The following FAM53A variants were observed in gnomAD, a reference collection of about 807,000 sequenced individuals.
FAM53A encodes the protein protein FAM53A.
Under a neutral mutation model 26.6 loss-of-function variants are expected in FAM53A, and 28 were observed. That is an observed-to-expected ratio of 1.05 (90% CI 0.78 to 1.45). The LOEUF (loss-of-function observed/expected upper bound fraction) is 1.45, where lower values mean the gene tolerates loss of function less well. Ranked by LOEUF, FAM53A falls within the 40% of genes most tolerant of loss-of-function variation. FAM53A has a pLI of 0.00. For synonymous variants in FAM53A, 290 were observed against 253.1 expected, an observed-to-expected ratio of 1.15 and a Z score of -1.38; for missense variants, 650 against 575.8, an observed-to-expected ratio of 1.13 and a Z score of -1.32.
chr4:1,584,419 T>C, the FAM53A span, among the ~76,000 whole-genome samples: 2 of 152,250 alleles, frequency 1.3e-5, no homozygotes, highest in Non-Finnish European at 2.9e-5. Flanking sequence ...TTCCCAACAT[T>C]ATATGTTGCA....
Position 1,654,746 on chromosome 4 carries a change from T to C in FAM53A, c.882+232A>G, listed in dbSNP as rs953001101. On this transcript the variant is annotated intron_variant, in intron 4 of 4. Coordinates refer to ENST00000308132, the MANE Select transcript of FAM53A (RefSeq NM_001174070.3). ...CTGGCCGGCCACCCTGGGCCGTGTG[T>C]GGGGCTCTGCCTCTGCGGGAGCAGG... 8.5e-5 allele frequency among the ~76,000 whole-genome samples: 13 copies of C among 152,312 alleles called. 1 individual carries two copies. The South Asian group carries it at 1.2e-3, about 15-fold the overall frequency.
intron 1 of FAM53A, among the ~76,000 whole-genome samples, chr4:1,674,945 C>T (rs1373444010): frequency 6.6e-6 from 1 of 152,170 alleles, no homozygotes; most frequent in Non-Finnish European, 1.5e-5. Context: ...AGTTCAGGAC[C>T]AGAGGAAGCC....
At chr4:1,620,990 A>C (rs1245325917) in intron 1 of FAM53A, among the ~76,000 whole-genome samples, 1 of 151,802 alleles carries the variant, frequency 6.6e-6, no homozygotes, top group Non-Finnish European at 1.5e-5. Context: ...AGGTCACCTC[A>C]TGGTTCAAAT....
chr4:1,618,234 C>G (rs1325840290), intron 1 of FAM53A: 2 of 441,862 alleles, frequency 4.5e-6, no homozygotes, highest in African/African-American at 4.0e-5. Context: ...CCCATCACGG[C>G]AGGGGTGCAT....
At chr4:1,682,033 T>A (rs1474191395) in intron 1 of FAM53A, among the ~76,000 whole-genome samples, 2 of 152,092 alleles carry the variant, frequency 1.3e-5, no homozygotes, top group Non-Finnish European at 2.9e-5. Context: ...TAACCGCCTC[T>A]CCAGGCCTGG....
chr4:1,664,417 C>T (rs1240476604), intron 2 of FAM53A, among the ~76,000 whole-genome samples: 1 of 152,202 alleles, frequency 6.6e-6, no homozygotes, highest in Admixed American at 6.5e-5. Flanking sequence ...GAACCTCATA[C>T]ATGAATGTAC....
chr4:1,641,509 G>A lies in FAM53A; in HGVS notation c.981C>T (p.Ser327=). ...GCATGGTGATGCCAGGGAGGCCCCG[G>A]GAGTCACATGGGGAGGACAGAACCG... The part of the protein sequence containing the change: ...VKTVLSSPCD[S]RGLPGITMPG... The change falls in exon 5 of 5, where the codon TCC becomes TCT. Residue 327 remains serine, a synonymous_variant. Coordinates refer to ENST00000308132, the MANE Select transcript of FAM53A (RefSeq NM_001174070.3). The A allele has an allele frequency of 6.2e-7, 1 of 1,614,214 alleles. No individual in the cohort carries two copies. The highest frequency in any genetic ancestry group is 8.5e-7 in the Non-Finnish European group (1 of 1,180,026).
At chr4:1,679,401 A>AC (rs1428255771) in intron 1 of FAM53A, among the ~76,000 whole-genome samples, 1 of 150,716 alleles carries the variant, frequency 6.6e-6, no homozygotes, top group African/African-American at 2.4e-5. Context: ...AAAAAAAAAA[A>AC]AAAAAGGCCA....
intron 4 of FAM53A, among the ~76,000 whole-genome samples, chr4:1,642,025 C>G (rs1711763435): frequency 6.6e-6 from 1 of 152,126 alleles, no homozygotes; most frequent in South Asian, 2.1e-4. Context: ...CCACTTCTGA[C>G]AACAGCCCCA....
At chr4:1,651,794 G>C (rs1353509297) in intron 4 of FAM53A, among the ~76,000 whole-genome samples, 2 of 151,436 alleles carry the variant, frequency 1.3e-5, no homozygotes, top group African/African-American at 4.9e-5. Flanking sequence ...CCGGGGACAG[G>C]GACACGCAGG....
In FAM53A at chr4:1,673,850, G is replaced by A. The variant is rs549745684; in HGVS notation, c.-164-4945C>T. Among the ~76,000 whole-genome samples the A allele has an allele frequency of 2.6e-5, 4 of 152,398 alleles. No homozygotes were observed. The East Asian group carries it at 7.7e-4, about 29-fold the overall frequency. On this transcript the variant is annotated intron_variant, in intron 1 of 4. Coordinates refer to ENST00000308132, the MANE Select transcript of FAM53A (RefSeq NM_001174070.3). ...CAGCTCTGGCACGCGGGAGGCGCAT[G>A]CAGCGCGGGAGGGACCACGCCTACT...
chr4:1,657,492 T>C, intron 2 of FAM53A, 24 bp from the exon 3 acceptor site: 3 of 1,607,890 alleles, frequency 1.9e-6, no homozygotes, highest in Non-Finnish European at 2.6e-6. Flanking sequence ...GAAGTTTCAA[T>C]ACTGTGACTG....
At chr4:1,637,825 T>G (rs1715915276), downstream of FAM53A, among the ~76,000 whole-genome samples, 1 of 152,038 alleles carries the variant, frequency 6.6e-6, no homozygotes, top group African/African-American at 2.4e-5. Context: ...CCCAGCCCAG[T>G]GGATCCCACA....
At chr4:1,656,776 G>A (rs989295554) in intron 3 of FAM53A, among the ~76,000 whole-genome samples, 1 of 152,136 alleles carries the variant, frequency 6.6e-6, no homozygotes, top group Non-Finnish European at 1.5e-5. Flanking sequence ...GCTCAGCAAG[G>A]TGAGCCTCCT....
At position 1,655,518 on chromosome 4, in the gene FAM53A, G is replaced by C; in HGVS notation, c.342C>G (p.Ala114=). 1 of 1,567,158 alleles carries C rather than the reference G, an allele frequency of 6.4e-7. No homozygotes were observed. Among genetic ancestry groups the C allele is most frequent in the South Asian group, 1.2e-5 (1 of 86,828 alleles). The change falls in exon 4 of 5, where the codon GCC becomes GCG. Residue 114 remains alanine, a synonymous_variant. Transcript: ENST00000308132. ...DPSESTGSST[A]PPTKRHCRSL... ...ACCGGCAATGCCGCTTGGTCGGTGG[G>C]GCCGTGGACGAGCCTGTGCTTTCAC...
chr4:1,645,757 G>A (rs750152276), intron 4 of FAM53A, among the ~76,000 whole-genome samples: 2 of 152,248 alleles, frequency 1.3e-5, no homozygotes, highest in Non-Finnish European at 2.9e-5. Flanking sequence ...GGCTCCTGGA[G>A]AGAAGGTCTG....
At chr4:1,682,827 T>C (rs1274317200) in intron 1 of FAM53A, among the ~76,000 whole-genome samples, 2 of 152,150 alleles carry the variant, frequency 1.3e-5, no homozygotes, top group South Asian at 2.1e-4. Flanking sequence ...TTTTCTCTTA[T>C]ATACTTCAAG....
chr4:1,654,810 C>G (rs747132157), intron 4 of FAM53A, among the ~76,000 whole-genome samples, 168 bp downstream of exon 4: 2 of 152,220 alleles, frequency 1.3e-5, no homozygotes, highest in African/African-American at 4.8e-5. Flanking sequence ...GACAGGCCCC[C>G]GATCGCTCCC....
At chr4:1,579,781 G>C in the FAM53A span, among the ~76,000 whole-genome samples, 3 of 152,160 alleles carry the variant, frequency 2.0e-5, no homozygotes, top group African/African-American at 7.2e-5. Flanking sequence ...GCGCTGTGGG[G>C]ATACGAAGGG....
Sources: gnomAD v4.1 joint callset for allele counts (sites outside exome capture counted in the v4.1 genomes callset) on GRCh38, gnomAD v4.1.1 for gene constraint, MANE v1.5 for transcripts, NCBI Gene and HGNC (gene_info 2026-07-23, HGNC 2026-07-21) for gene names.